Variants in UCMA observed in about 807,000 individuals in gnomAD.
UCMA encodes the protein upper zone of growth plate and cartilage matrix-associated protein.
Under a neutral mutation model 21.8 loss-of-function variants are expected in UCMA, and 21 were observed. The observed-to-expected ratio is 0.97, with a 90% CI of 0.68 to 1.39. UCMA has a LOEUF of 1.39. UCMA is among the 40% of genes most tolerant of loss of function. UCMA has a pLI of 0.00. For synonymous variants in UCMA, 76 were observed against 67.9 expected (o/e 1.12, Z -0.58); for missense variants, 193 against 178.9 (o/e 1.08, Z -0.45).
At position 13,234,349 on chromosome 10, in the gene UCMA, A is replaced by G; in HGVS notation, c.-91T>C. 7.3e-7 allele frequency: 1 copy of G among 1,370,064 alleles called. No homozygotes were observed. Among genetic ancestry groups the G allele is most frequent in the Non-Finnish European group, 1.0e-6 (1 of 998,250 alleles). 84.9% of individuals were successfully genotyped at this position (1,370,064 alleles called of 1,614,324 possible). ...TCCCCACTTCTGAGGCAGGCAGCCC[A>G]GGCGAGAGGAAGGAAGGCGGGGGAG... is the stretch of plus-strand genomic sequence containing the variant. On this transcript the variant is annotated 5_prime_UTR_variant, in exon 1 of 5. Transcript: ENST00000378681.
intron 4 of UCMA, among the ~76,000 whole-genome samples, chr10:13,225,414 C>T (rs894443833): frequency 1.3e-5 from 2 of 152,030 alleles, no homozygotes; most frequent in Admixed American, 1.3e-4. Context: ...GGGGCTCACG[C>T]CTGTAATCCC....
At chr10:13,223,639 C>T (rs918393041) in intron 4 of UCMA, among the ~76,000 whole-genome samples, 2 of 152,066 alleles carry the variant, frequency 1.3e-5, no homozygotes, top group Non-Finnish European at 2.9e-5. Context: ...CTGTAACCTC[C>T]GCCTCCCAGG....
Position 13,233,509 on chromosome 10 carries a change from G to T in UCMA, c.220+29C>A, listed in dbSNP as rs369035716. 6 of 1,585,710 alleles carry T rather than the reference G, an allele frequency of 3.8e-6. No homozygotes were observed. In the Admixed American group the frequency reaches 5.0e-5, roughly 13 times the overall value. Reference sequence around the variant, plus strand: ...GGTGTGAGCAGAGGTGGTGATGGACGCGGGATGGGGTCCCTCCAGCATCCT... The same window carrying T: ...GGTGTGAGCAGAGGTGGTGATGGACTCGGGATGGGGTCCCTCCAGCATCCT... On this transcript the variant is annotated intron_variant, in intron 3 of 4. Transcript: ENST00000378681.
At chr10:13,233,683 G>A in intron 2 of UCMA, 50 bp from the exon 3 acceptor site, 2 of 1,613,852 alleles carry the variant, frequency 1.2e-6, no homozygotes, top group Non-Finnish European at 1.7e-6. Context: ...TGCTGGGGCT[G>A]CTGCTTCGCT....
chr10:13,231,777 C>T (rs1238270710), intron 3 of UCMA, among the ~76,000 whole-genome samples: 2 of 152,216 alleles, frequency 1.3e-5, no homozygotes, highest in East Asian at 1.9e-4. Flanking sequence ...TCTCTTTTCA[C>T]CCTAAAGTAA....
chr10:13,228,861 G>A (rs922942308), intron 4 of UCMA, among the ~76,000 whole-genome samples: 2 of 152,088 alleles, frequency 1.3e-5, no homozygotes, highest in Non-Finnish European at 2.9e-5. Flanking sequence ...AAGCCAATGG[G>A]AATAAGGGTA....
intron 4 of UCMA, among the ~76,000 whole-genome samples, chr10:13,223,623 G>A (rs11817051): frequency 0.07 from 10,691 of 152,044 alleles, 714 homozygotes; most frequent in African/African-American, 0.17. Flanking sequence ...GCGTGATCTC[G>A]GCTCACTGTA....
At chr10:13,229,375 G>A (rs1834867583) in intron 4 of UCMA, among the ~76,000 whole-genome samples, 9 of 151,938 alleles carry the variant, frequency 5.9e-5, no homozygotes, top group Admixed American at 5.9e-4. Flanking sequence ...AATTAGCTAG[G>A]GGCATCTGTA....
chr10:13,233,941 G>C, intron 1 of UCMA, 141 bp from the exon 2 acceptor site: 1 of 1,078,992 alleles, frequency 9.3e-7, no homozygotes, highest in East Asian at 2.6e-5. Context: ...ACCAGCTGCA[G>C]AGCCAATCTC....
intron 3 of UCMA, among the ~76,000 whole-genome samples, chr10:13,230,517 AC>A (rs762229167): frequency 1.4e-4 from 21 of 152,326 alleles, no homozygotes; most frequent in Admixed American, 1.1e-3. Flanking sequence ...CAGGGAGGCC[AC>A]GTCTAGGGCA....
chr10:13,231,660 G>A (rs908118399), intron 3 of UCMA, among the ~76,000 whole-genome samples: 2 of 152,142 alleles, frequency 1.3e-5, no homozygotes, highest in African/African-American at 4.8e-5. Context: ...GAGCTTTGAC[G>A]TAATGAATAA....
At position 13,229,673 on chromosome 10, in the gene UCMA, C is replaced by T. The variant is rs148425191; in HGVS notation, c.257G>A (p.Arg86Gln). 6.4e-5 allele frequency: 103 copies of T among 1,614,068 alleles called. No individual in the cohort carries two copies. The highest frequency in any genetic ancestry group is 4.9e-4 in the African/African-American group (37 of 75,004). The change falls in exon 4 of 5, where the codon CGG becomes CAG. Residue 86 changes from arginine (R) to glutamine (Q), a missense_variant. Coordinates refer to ENST00000378681, the MANE Select transcript of UCMA (RefSeq NM_145314.3). The stretch of plus-strand genomic sequence containing the variant: ...CCTTTGTTCCTCGTAATATTCTCTC[C>T]GCAGCTCATCAACCCGAAGCTTCTG... Reference protein sequence around the residue: ...NRQKLRVDELRREYYEEQRNE... With the variant: ...NRQKLRVDELQREYYEEQRNE...
intron 3 of UCMA, among the ~76,000 whole-genome samples, chr10:13,232,358 T>C (rs1834909950): frequency 1.9e-5 from 2 of 107,594 alleles, no homozygotes; most frequent in South Asian, 3.1e-4. Context: ...GGCGACAGAG[T>C]GAGACTCCAT....
chr10:13,224,379 A>G (rs866371535), intron 4 of UCMA, among the ~76,000 whole-genome samples: 39 of 150,466 alleles, frequency 2.6e-4, no homozygotes, highest in African/African-American at 8.4e-4. Context: ...GAAAGTAAAG[A>G]AAGAGAAGAA....
Position 13,234,367 on chromosome 10 carries a change from C to A in UCMA, c.-109G>T. The A allele has an allele frequency of 9.5e-7, 1 of 1,053,204 alleles. No homozygotes were observed. Among genetic ancestry groups the A allele is most frequent in the Non-Finnish European group, 1.3e-6 (1 of 754,262 alleles). 65.2% of individuals were successfully genotyped at this position (1,053,204 alleles called of 1,614,324 possible). A position where few individuals can be genotyped will look rare whatever the true frequency, so the allele number is the denominator to read the frequency against. ...GCAGCCCAGGCGAGAGGAAGGAAGG[C>A]GGGGGAGGGAAGAGAGAGGCAGGAG... On this transcript the variant is annotated 5_prime_UTR_variant, in exon 1 of 5. Coordinates refer to ENST00000378681, the MANE Select transcript of UCMA (RefSeq NM_145314.3).
Sources: gnomAD v4.1 joint callset for allele counts (sites outside exome capture counted in the v4.1 genomes callset) on GRCh38, gnomAD v4.1.1 for gene constraint, MANE v1.5 for transcripts, NCBI Gene and HGNC (gene_info 2026-07-23, HGNC 2026-07-21) for gene names.